Variants in CYP4F22 observed in about 807,000 individuals in gnomAD.
The protein encoded by CYP4F22 is ultra-long-chain fatty acid omega-hydroxylase.
In CYP4F22, 37 loss-of-function variants were observed where a neutral mutation model predicts 60.4. That is an observed-to-expected ratio of 0.61 (90% confidence interval 0.47 to 0.81). The LOEUF is 0.81. Among genes scored for constraint, CYP4F22 ranks in the 30% least tolerant of loss-of-function variants. CYP4F22 has a pLI of 0.00. For synonymous variants in CYP4F22, 258 were observed against 280.5 expected (o/e 0.92, Z 0.80); for missense variants, 655 against 715.0 (o/e 0.92, Z 0.96).
At chr19:15,542,005 G>A (rs756179777) in intron 8 of CYP4F22, among the ~76,000 whole-genome samples, 2 of 152,130 alleles carry the variant, frequency 1.3e-5, no homozygotes, top group Non-Finnish European at 1.5e-5. Context: ...TGGCTCTGTC[G>A]CTTAGTGGAT....
At chr19:15,549,955 T>C (rs915584012) in intron 12 of CYP4F22, among the ~76,000 whole-genome samples, 2 of 152,098 alleles carry the variant, frequency 1.3e-5, no homozygotes, top group Non-Finnish European at 2.9e-5. Flanking sequence ...GACTGGGTCT[T>C]GCTCTGTTGC....
intron 1 of CYP4F22, among the ~76,000 whole-genome samples, chr19:15,510,958 A>ATTT (rs1568351339): frequency 4.4e-5 from 5 of 114,778 alleles, no homozygotes; most frequent in Admixed American, 1.8e-4. Context: ...ATATATATAT[A>ATTT]TATATATATT....
chr19:15,529,058 C>T (rs1306004713), intron 3 of CYP4F22, among the ~76,000 whole-genome samples: 1 of 152,128 alleles, frequency 6.6e-6, no homozygotes, highest in African/African-American at 2.4e-5. Context: ...GTCCTCCTGC[C>T]TCAGCCTCAT....
chr19:15,509,866 T>TTCCG (rs1413789759), intron 1 of CYP4F22, among the ~76,000 whole-genome samples: 1 of 95,858 alleles, frequency 1.0e-5, no homozygotes, highest in Non-Finnish European at 2.3e-5. Flanking sequence ...CCTTCCTTCC[T>TTCCG]TCCTTCCTTC....
intron 8 of CYP4F22, among the ~76,000 whole-genome samples, 177 bp downstream of exon 8, chr19:15,540,894 G>A (rs1971454681): frequency 6.6e-6 from 1 of 152,232 alleles, no homozygotes; most frequent in Non-Finnish European, 1.5e-5. Flanking sequence ...AGATCAGCCT[G>A]GGCAACACAG....
rs148586927 is a variant in CYP4F22, at chr19:15,510,575, G to T, written c.-109+1992G>T. Among the ~76,000 whole-genome samples the T allele has an allele frequency of 2.1e-3, 321 of 152,254 alleles. 4 individuals are homozygous for T. The East Asian group carries it at 0.056, about 27-fold the overall frequency. Reference sequence around the variant, plus strand: ...CATGTCCAGGTGTGGCCACACTTGGGATGGTGGGCAGAAACAATTACAACC... The same window carrying T: ...CATGTCCAGGTGTGGCCACACTTGGTATGGTGGGCAGAAACAATTACAACC... On this transcript the variant is annotated intron_variant, in intron 1 of 13. Transcript: ENST00000269703.
intron 4 of CYP4F22, among the ~76,000 whole-genome samples, chr19:15,532,463 C>T (rs539844793): frequency 1.3e-5 from 2 of 152,134 alleles, no homozygotes; most frequent in Admixed American, 1.3e-4. Context: ...CAACCTCTGC[C>T]TCCCGAGTTC....
chr19:15,543,169 C>T (rs551886752), intron 8 of CYP4F22, among the ~76,000 whole-genome samples: 2 of 152,280 alleles, frequency 1.3e-5, no homozygotes, highest in South Asian at 4.1e-4. Flanking sequence ...ACGTTCCCAT[C>T]AACCTTGTAA....
intron 1 of CYP4F22, among the ~76,000 whole-genome samples, chr19:15,510,944 CCATATATATA>C (rs1971081874): frequency 8.7e-6 from 1 of 114,818 alleles, no homozygotes; most frequent in African/African-American, 3.5e-5. Context: ...TATAGGGATA[CCATATATATA>C]TATATATATA....
chr19:15,551,294 G>T lies in CYP4F22; in HGVS notation c.1419G>T (p.Arg473Ser). 6.2e-7 allele frequency: 1 copy of T among 1,611,762 alleles called. No homozygotes were observed. Among genetic ancestry groups the T allele is most frequent in the East Asian group, 2.2e-5 (1 of 44,782 alleles). ...LAYVPFSAGP[R>S]NCIGQSFAMA... ...TGAGCCCTGTCCCCTCTTCCTCCAG[G>T]AATTGCATCGGACAGAGCTTCGCCA... The change falls in exon 14 of 14, where the codon AGG becomes AGT. Residue 473 changes from arginine (R) to serine (S), a missense_variant and splice_region_variant. By Grantham distance (110) the Arg-to-Ser change is moderately radical (BLOSUM62 -1). Transcript: ENST00000269703.
At chr19:15,547,360 A>G (rs999173735) in intron 10 of CYP4F22, among the ~76,000 whole-genome samples, 3 of 152,008 alleles carry the variant, frequency 2.0e-5, no homozygotes, top group Non-Finnish European at 2.9e-5. Flanking sequence ...GGACCATATA[A>G]ACTGGCATAT....
chr19:15,508,815 G>A (rs991895613), intron 1 of CYP4F22, among the ~76,000 whole-genome samples: 2 of 151,992 alleles, frequency 1.3e-5, no homozygotes, highest in Non-Finnish European at 2.9e-5. Flanking sequence ...TGCTGCATTT[G>A]TGAGTTGTTT....
At chr19:15,532,674 G>A (rs778918230) in intron 4 of CYP4F22, among the ~76,000 whole-genome samples, 1 of 151,430 alleles carries the variant, frequency 6.6e-6, no homozygotes, top group Non-Finnish European at 1.5e-5. Context: ...GAGCTACAGC[G>A]CCTGGTCTCT....
intron 1 of CYP4F22, among the ~76,000 whole-genome samples, chr19:15,517,388 A>G (rs1568353834): frequency 6.6e-6 from 1 of 152,200 alleles, no homozygotes. Flanking sequence ...GGGCAGAGCC[A>G]GGGGTTGTTT....
chr19:15,514,000 C>T (rs1475922439), intron 1 of CYP4F22, among the ~76,000 whole-genome samples: 3 of 152,026 alleles, frequency 2.0e-5, no homozygotes, highest in Non-Finnish European at 2.9e-5. Flanking sequence ...CCTCAAGAGC[C>T]GTATGTATAG....
rs1051606306 is a variant in CYP4F22, at chr19:15,520,837, G to A, written c.-108-2856G>A. On this transcript the variant is annotated intron_variant, in intron 1 of 13. Transcript: ENST00000269703. ...GGCTGGAGTGCAGTGGCACGATCTC[G>A]GCTCACTGCAACCTCCGCCTCCTGG... Among the ~76,000 whole-genome samples, 40 of 150,904 alleles carry A rather than the reference G, an allele frequency of 2.7e-4. 1 individual carries two copies. Among genetic ancestry groups the A allele is most frequent in the African/African-American group, 7.5e-4 (31 of 41,168 alleles).
At chr19:15,548,381 T>TG in intron 11 of CYP4F22, 140 bp downstream of exon 11, 1 of 1,358,468 alleles carries the variant, frequency 7.4e-7, no homozygotes, top group East Asian at 2.3e-5. Flanking sequence ...CTGTTGCTTC[T>TG]GGGGTGTTGG....
intron 1 of CYP4F22, among the ~76,000 whole-genome samples, chr19:15,513,058 G>A (rs1280539282): frequency 1.3e-5 from 2 of 151,492 alleles, no homozygotes; most frequent in South Asian, 2.1e-4. Context: ...AGTTTTACTC[G>A]CATTCCATGA....
chr19:15,509,888 C>CTTT, intron 1 of CYP4F22, among the ~76,000 whole-genome samples: 1 of 121,960 alleles, frequency 8.2e-6, no homozygotes, highest in Non-Finnish European at 1.8e-5. Flanking sequence ...TTCCTTCCTT[C>CTTT]CTTCCTTCCT....
Sources: allele counts gnomAD v4.1 joint callset (sites outside exome capture counted in the v4.1 genomes callset), GRCh38; gene constraint gnomAD v4.1.1; transcripts MANE v1.5; gene names NCBI Gene and HGNC (gene_info 2026-07-23, HGNC 2026-07-21).